AFG2B: variants seen among roughly 807,000 people sequenced by gnomAD.
The protein encoded by AFG2B is AAA ATPase AFG2B, also known as ATPase family gene 2 protein homolog B.
the AFG2B span, chr15:45,410,520 A>G: frequency 6.2e-7 from 1 of 1,606,910 alleles, no homozygotes; most frequent in Non-Finnish European, 8.5e-7. Context: ...GTAAAACTGA[A>G]GTTAAAACAG....
the AFG2B span, chr15:45,410,463 T>C: frequency 6.2e-7 from 1 of 1,613,782 alleles, no homozygotes; most frequent in African/African-American, 1.3e-5. Context: ...ATTGGATTAA[T>C]GGATATCAAG....
chr15:45,402,461 G>C, the AFG2B span: 6 of 1,607,962 alleles, frequency 3.7e-6, no homozygotes, highest in South Asian at 6.6e-5. Flanking sequence ...TTCCCTGAAG[G>C]GCCGCTCTTA....
the AFG2B span, among the ~76,000 whole-genome samples, chr15:45,406,027 G>A: frequency 3.0e-4 from 45 of 152,112 alleles, no homozygotes; most frequent in African/African-American, 1.0e-3. Flanking sequence ...CCGCGAAAAC[G>A]TAAGTGTATA....
the AFG2B span, chr15:45,410,432 C>T: frequency 6.2e-7 from 1 of 1,613,918 alleles, no homozygotes; most frequent in South Asian, 1.1e-5. Flanking sequence ...AAATATTCAG[C>T]CCTCATCGTT....
At chr15:45,410,599 A>G in the AFG2B span, 21 of 1,455,646 alleles carry the variant, frequency 1.4e-5, no homozygotes, top group African/African-American at 2.3e-4. Context: ...TATGATGACA[A>G]CATACTGCGC....
chr15:45,407,004 A>C, the AFG2B span: 1 of 1,287,846 alleles, frequency 7.8e-7, no homozygotes, highest in South Asian at 1.2e-5. Context: ...GGAGATTTAC[A>C]TTCAGGATTT....
chr15:45,414,916 T>G, the AFG2B span: 32 of 720,492 alleles, frequency 4.4e-5, no homozygotes, highest in Non-Finnish European at 5.4e-5. Flanking sequence ...ATTTAGAAAA[T>G]ATAGGAAAGT....
chr15:45,415,805 A>T, the AFG2B span: 1 of 1,607,586 alleles, frequency 6.2e-7, no homozygotes, highest in Middle Eastern at 1.7e-4. Context: ...TGAAAAAATG[A>T]AGAGGTATTT....
chr15:45,403,427 G>A, the AFG2B span: 1 of 1,609,864 alleles, frequency 6.2e-7, no homozygotes, highest in Non-Finnish European at 8.5e-7. Flanking sequence ...GACGGCGCCA[G>A]TGGGGACCGC....
chr15:45,417,498 T>C, the AFG2B span: 6 of 1,313,650 alleles, frequency 4.6e-6, no homozygotes, highest in Non-Finnish European at 6.2e-6. Context: ...GGTTCCGCCT[T>C]CTTCCTTGCC....
the AFG2B span, among the ~76,000 whole-genome samples, chr15:45,413,297 A>G: frequency 6.6e-6 from 1 of 152,206 alleles, no homozygotes; most frequent in African/African-American, 2.4e-5. Context: ...CTGTTGACTC[A>G]GAAATCTGTA....
the AFG2B span, among the ~76,000 whole-genome samples, chr15:45,408,395 T>C: frequency 2.0e-5 from 3 of 152,338 alleles, no homozygotes; most frequent in East Asian, 5.8e-4. Context: ...TCCATATATA[T>C]GTATTTATAT....
the AFG2B span, among the ~76,000 whole-genome samples, chr15:45,413,221 GTCC>G: frequency 3.3e-5 from 5 of 152,296 alleles, no homozygotes; most frequent in East Asian, 9.6e-4. Context: ...GGCTCCCAGA[GTCC>G]TCCTCTTGTT....
chr15:45,409,697 C>CA, the AFG2B span, among the ~76,000 whole-genome samples: 14 of 149,500 alleles, frequency 9.4e-5, no homozygotes, highest in South Asian at 2.1e-4. Flanking sequence ...CGCATCTCTA[C>CA]AAAAAAAAAA....
chr15:45,405,571 A>T, the AFG2B span: 1 of 1,430,652 alleles, frequency 7.0e-7, no homozygotes, highest in Non-Finnish European at 9.5e-7. Flanking sequence ...TTTGGGGGTT[A>T]AAAAAAAGCG....
At chr15:45,405,632 T>A in the AFG2B span, 3 of 832,812 alleles carry the variant, frequency 3.6e-6, no homozygotes, top group Non-Finnish European at 5.5e-6. Flanking sequence ...CTGTTGCTTA[T>A]ACATTTTACA....
chr15:45,405,386 C>A, the AFG2B span: 1 of 1,614,146 alleles, frequency 6.2e-7, no homozygotes, highest in Non-Finnish European at 8.5e-7. Flanking sequence ...CTCGAAGATG[C>A]CCATCTCCAG....
At chr15:45,407,113 G>A in the AFG2B span, 1 of 1,289,154 alleles carries the variant, frequency 7.8e-7, no homozygotes, top group Non-Finnish European at 1.0e-6. Context: ...GCTACTTCAG[G>A]AGGGGCCTGC....
At chr15:45,402,947 AT>A in the AFG2B span, 1 of 1,598,016 alleles carries the variant, frequency 6.3e-7, no homozygotes, top group South Asian at 1.1e-5. Flanking sequence ...CCCAGTCCCG[AT>A]CCCGCTGGGC....
Sources: gnomAD v4.1 joint callset for allele counts (sites outside exome capture counted in the v4.1 genomes callset) on GRCh38, gnomAD v4.1.1 for gene constraint, MANE v1.5 for transcripts, NCBI Gene and HGNC (gene_info 2026-07-23, HGNC 2026-07-21) for gene names.